Variants in ATP13A4 observed in about 807,000 individuals in gnomAD.
ATP13A4 encodes the protein ATPase 13A4.
In ATP13A4, 114 loss-of-function variants were observed where a neutral mutation model predicts 142.5. The ratio of observed to expected loss-of-function variants is 0.80; its 90% CI spans 0.69 to 0.93. The LOEUF (loss-of-function observed/expected upper bound fraction) is 0.93. ATP13A4 is among the 40% of genes least tolerant of loss of function. The probability of loss-of-function intolerance (pLI) is 0.00; values close to 1 mark genes in which losing one functional copy is unlikely to be tolerated. For synonymous variants in ATP13A4, 488 were observed against 514.8 expected, an observed-to-expected ratio of 0.95 and a Z score of 0.70; for missense variants, 1,392 against 1,454.0, an observed-to-expected ratio of 0.96 and a Z score of 0.69.
chr3:193,412,408 T>C (rs1714816018), intron 26 of ATP13A4, 37 bp from the exon 27 acceptor site: 1 of 1,586,128 alleles, frequency 6.3e-7, no homozygotes, highest in Non-Finnish European at 8.7e-7. Flanking sequence ...TGAAGTAAGA[T>C]TGCAAGGCTT....
At chr3:193,580,643 T>A (rs751748066) in intron 2 of ATP13A4, among the ~76,000 whole-genome samples, 10 of 152,214 alleles carry the variant, frequency 6.6e-5, no homozygotes, top group Admixed American at 2.0e-4. Context: ...GTAGGGATTA[T>A]GTTTTTAGTC....
chr3:193,483,276 G>A (rs1314269733), intron 8 of ATP13A4, among the ~76,000 whole-genome samples: 1 of 151,992 alleles, frequency 6.6e-6, no homozygotes, highest in Admixed American at 6.6e-5. Context: ...GGGAGGAAGC[G>A]GGAGAGAAAA....
At chr3:193,574,935 C>G (rs1304207693) in intron 2 of ATP13A4, among the ~76,000 whole-genome samples, 1 of 152,132 alleles carries the variant, frequency 6.6e-6, no homozygotes, top group Non-Finnish European at 1.5e-5. Flanking sequence ...ATCTGGAAGC[C>G]TCTGTGACTA....
chr3:193,510,149 G>A (rs533457825), intron 2 of ATP13A4, among the ~76,000 whole-genome samples: 1 of 152,292 alleles, frequency 6.6e-6, no homozygotes, highest in African/African-American at 2.4e-5. Context: ...GCGGGGAGGA[G>A]AGGAGGTAAG....
In ATP13A4 at chr3:193,483,792, A is replaced by AT. The variant is rs995557860; in HGVS notation, c.808+143_808+144insA. 7.3e-6 allele frequency: 5 copies of AT among 688,642 alleles called. No homozygotes were observed. The African/African-American group carries it at 7.4e-5, about 10-fold the overall frequency. 42.7% of individuals were successfully genotyped at this position (688,642 alleles called of 1,614,324 possible). ...AGTAGTTTTTAAGGTAAAAAAAAAA[A>AT]CTTAAGTTCCTCATCCCTTTGAACA... On this transcript the variant is annotated intron_variant, in intron 8 of 29. Coordinates refer to ENST00000342695, the MANE Select transcript of ATP13A4 (RefSeq NM_032279.4).
chr3:193,412,026 G>T (rs1714789039), intron 27 of ATP13A4, 152 bp downstream of exon 27: 2 of 684,348 alleles, frequency 2.9e-6, no homozygotes, highest in Non-Finnish European at 5.2e-6. Flanking sequence ...CCGTGAAAAT[G>T]AGGCTGTACG....
chr3:193,513,673 G>A lies in ATP13A4; in HGVS notation c.234+1025C>T, dbSNP rs534974915. 3.3e-5 allele frequency among the ~76,000 whole-genome samples: 5 copies of A among 152,310 alleles called. No individual in the cohort carries two copies. The East Asian group carries it at 9.7e-4, about 29-fold the overall frequency. ...AGTGCTGCAAGGAATTGGTATGGAA[G>A]GAAATACAGGGAAACTCACCCAAAG... On this transcript the variant is annotated intron_variant, in intron 2 of 29. Transcript: ENST00000342695.
intron 28 of ATP13A4, among the ~76,000 whole-genome samples, chr3:193,408,944 C>T (rs1007909350): frequency 6.6e-6 from 1 of 152,018 alleles, no homozygotes; most frequent in African/African-American, 2.4e-5. Context: ...CTCAGAAGAC[C>T]TGAACAAATA....
At chr3:193,544,522 C>T (rs1245184257) in intron 1 of ATP13A4, among the ~76,000 whole-genome samples, 1 of 152,112 alleles carries the variant, frequency 6.6e-6, no homozygotes, top group Non-Finnish European at 1.5e-5. Context: ...GAGTCATAAG[C>T]CCAGGAGGAT....
At chr3:193,517,590 C>G (rs1008676406) in intron 1 of ATP13A4, among the ~76,000 whole-genome samples, 1 of 152,218 alleles carries the variant, frequency 6.6e-6, no homozygotes, top group Non-Finnish European at 1.5e-5. Context: ...ACGCCATTCT[C>G]CTGCCTCAGC....
At chr3:193,416,219 A>G (rs1002990443) in intron 25 of ATP13A4, among the ~76,000 whole-genome samples, 4 of 152,230 alleles carry the variant, frequency 2.6e-5, no homozygotes, top group African/African-American at 9.6e-5. Context: ...ATGGACTATT[A>G]CAGCCTTCAA....
chr3:193,417,025 A>C (rs1028475353), intron 25 of ATP13A4: 2 of 152,214 alleles, frequency 1.3e-5, no homozygotes, highest in Non-Finnish European at 2.9e-5. Context: ...TTAGCAGCCA[A>C]TTTCTCATCA....
intron 2 of ATP13A4, among the ~76,000 whole-genome samples, chr3:193,560,857 G>T (rs941012003): frequency 6.6e-6 from 1 of 152,228 alleles, no homozygotes; most frequent in African/African-American, 2.4e-5. Context: ...AAGGGGGAAA[G>T]AGAGAAAGGC....
intron 29 of ATP13A4, among the ~76,000 whole-genome samples, chr3:193,404,381 A>G (rs1714392083): frequency 6.6e-6 from 1 of 152,174 alleles, no homozygotes; most frequent in Non-Finnish European, 1.5e-5. Context: ...AGAGGAAACT[A>G]CAGAGAGGTG....
intron 16 of ATP13A4, among the ~76,000 whole-genome samples, chr3:193,454,565 T>C (rs529737680): frequency 3.3e-5 from 5 of 152,302 alleles, no homozygotes; most frequent in African/African-American, 1.2e-4. Flanking sequence ...AATAAGACTT[T>C]ACACCTACAA....
chr3:193,514,598 C>T (rs1056082128), intron 2 of ATP13A4, 100 bp downstream of exon 2: 77 of 1,473,828 alleles, frequency 5.2e-5, no homozygotes, highest in Admixed American at 2.7e-4. Context: ...GGAGCCTCCA[C>T]CTGCTATCTG....
chr3:193,533,118 T>C (rs997844356), intron 1 of ATP13A4, among the ~76,000 whole-genome samples: 1 of 152,114 alleles, frequency 6.6e-6, no homozygotes, highest in Admixed American at 6.5e-5. Context: ...AAAAGTATTT[T>C]TTGGCATCTC....
At chr3:193,450,824 C>G (rs1320682884) in intron 17 of ATP13A4, among the ~76,000 whole-genome samples, 1 of 152,018 alleles carries the variant, frequency 6.6e-6, no homozygotes, top group African/African-American at 2.4e-5. Context: ...ATGTGCCAGG[C>G]CATAAAGGGA....
At chr3:193,468,968 A>C (rs1003372994) in intron 9 of ATP13A4, among the ~76,000 whole-genome samples, 14 of 152,246 alleles carry the variant, frequency 9.2e-5, no homozygotes, top group African/African-American at 3.4e-4. Context: ...TACCATGTTG[A>C]GAAGCCTTGT....
Sources: allele counts gnomAD v4.1 joint callset (sites outside exome capture counted in the v4.1 genomes callset), GRCh38; gene constraint gnomAD v4.1.1; transcripts MANE v1.5; gene names NCBI Gene and HGNC (gene_info 2026-07-23, HGNC 2026-07-21).